KIRREL3: variants seen among roughly 807,000 people sequenced by gnomAD.
KIRREL3 encodes kirre like nephrin family adhesion molecule 3.
Under a neutral mutation model 89.7 loss-of-function variants are expected in KIRREL3, and 36 were observed. The ratio of observed to expected loss-of-function variants is 0.40; its 90% CI spans 0.31 to 0.53. The LOEUF is 0.53. Ranked by LOEUF, KIRREL3 falls within the 20% of genes least tolerant of loss-of-function variation. The probability of loss-of-function intolerance (pLI) is 0.49; values close to 1 mark genes in which losing one functional copy is unlikely to be tolerated. For missense variants in KIRREL3, 864 were observed against 1,056.6 expected (o/e 0.82, Z 2.53); for synonymous variants, 445 against 441.4 (o/e 1.01, Z -0.10).
At position 126,652,102 on chromosome 11, in the gene KIRREL3, G is replaced by C. The variant is rs570501847; in HGVS notation, c.56-89190C>G. ...TGGGCCAGGAGGAAGATAGGCACTA[G>C]TAGGTCTGATCTGTCTGGAGGATTC... On this transcript the variant is annotated intron_variant, in intron 1 of 16. Transcript: ENST00000525144. This position sits in a 1 kb window ranked among gnomAD's most constrained non-coding sequence, Gnocchi z 4.9. 2.4e-3 allele frequency among the ~76,000 whole-genome samples: 360 copies of C among 152,314 alleles called. 2 individuals are homozygous for C. Among genetic ancestry groups the C allele is most frequent in the African/African-American group, 8.2e-3 (342 of 41,568 alleles).
rs1360500468 is a variant in KIRREL3 at position 126,427,182 on chromosome 11, A to G, written c.1807-1458T>C. On this transcript the variant is annotated intron_variant, in intron 15 of 16. Coordinates refer to ENST00000525144, the MANE Select transcript of KIRREL3 (RefSeq NM_032531.4). This position sits in a 1 kb window ranked among gnomAD's most constrained non-coding sequence, Gnocchi z 5.3. Reference sequence around the variant, plus strand: ...CACATGATTAAGCTTAAGTATAGAGACGTCATCCCTTCTCACATCTAGGCT... The same window carrying G: ...CACATGATTAAGCTTAAGTATAGAGGCGTCATCCCTTCTCACATCTAGGCT... Among the ~76,000 whole-genome samples, 1 of 152,142 alleles carries G rather than the reference A, an allele frequency of 6.6e-6. No homozygotes were observed. The highest frequency in any genetic ancestry group is 2.4e-5 in the African/African-American group (1 of 41,414).
chr11:126,621,220 C>G (rs1473185807), intron 1 of KIRREL3, among the ~76,000 whole-genome samples: 3 of 152,200 alleles, frequency 2.0e-5, no homozygotes, highest in East Asian at 3.8e-4. Flanking sequence ...TTCAGAACAG[C>G]TCTGAGTGGG....
chr11:126,436,710 G>C (rs1363030780), intron 12 of KIRREL3, 101 bp downstream of exon 12: 1 of 1,276,032 alleles, frequency 7.8e-7, no homozygotes, highest in African/African-American at 1.5e-5. Flanking sequence ...TTGTCCTTGG[G>C]CCCTGGCCCA....
chr11:126,663,182 C>CTTTTTT lies in KIRREL3; in HGVS notation c.56-100276_56-100271dup, dbSNP rs61217908. 4.4e-4 allele frequency among the ~76,000 whole-genome samples: 40 copies of CTTTTTT among 90,800 alleles called. 1 individual carries two copies. Among genetic ancestry groups the CTTTTTT allele is most frequent in the Non-Finnish European group, 5.8e-4 (28 of 48,116 alleles). 59.6% of individuals were successfully genotyped at this position (90,800 alleles called of 152,430 possible). A position where few individuals can be genotyped will look rare whatever the true frequency, so the allele number is the denominator to read the frequency against. On this transcript the variant is annotated intron_variant, in intron 1 of 16. Transcript: ENST00000525144. ...GGGGAGGTTTTGATATCATGTCTGG[C>CTTTTTT]TTTTTTTTTTTTTTTTTTTTTGAGA...
chr11:126,646,026 C>T (rs1944652455), intron 1 of KIRREL3, among the ~76,000 whole-genome samples: 1 of 152,302 alleles, frequency 6.6e-6, no homozygotes, highest in South Asian at 2.1e-4. Flanking sequence ...TGAGTTACCA[C>T]CAGAGACGTT....
At position 126,778,456 on chromosome 11, in the gene KIRREL3, A is replaced by G. The variant is rs976640426; in HGVS notation, c.56-215544T>C. Among the ~76,000 whole-genome samples, 7 of 152,232 alleles carry G rather than the reference A, an allele frequency of 4.6e-5. No homozygotes were observed. The highest frequency in any genetic ancestry group is 4.6e-4 in the Admixed American group (7 of 15,282). The stretch of plus-strand genomic sequence containing the variant: ...GCATTTAATGTCTACAAGCTATGCA[A>G]CTGTGAGGTTGTGCTATAATGTATT... On this transcript the variant is annotated intron_variant, in intron 1 of 16. Transcript: ENST00000525144. This position sits in a 1 kb window ranked among gnomAD's most constrained non-coding sequence, Gnocchi z 4.5.
At chr11:126,548,363 G>T (rs541319548) in intron 2 of KIRREL3, among the ~76,000 whole-genome samples, 18 of 152,304 alleles carry the variant, frequency 1.2e-4, no homozygotes, top group Middle Eastern at 6.8e-3. Flanking sequence ...TTTAGTTGCG[G>T]AGGCCACTGT....
At chr11:126,650,448 G>T (rs1305545224) in intron 1 of KIRREL3, among the ~76,000 whole-genome samples, 1 of 151,838 alleles carries the variant, frequency 6.6e-6, no homozygotes, top group Admixed American at 6.6e-5. Context: ...AGAATGCTTT[G>T]CTCCTTAGAA....
intron 1 of KIRREL3, among the ~76,000 whole-genome samples, chr11:126,915,768 A>T (rs1947013386): frequency 1.3e-5 from 2 of 152,180 alleles, no homozygotes; most frequent in African/African-American, 2.4e-5. Context: ...TAGTCAACCC[A>T]TTCTTTGTTA....
At chr11:126,851,323 C>G (rs1485830360) in intron 1 of KIRREL3, among the ~76,000 whole-genome samples, 1 of 152,202 alleles carries the variant, frequency 6.6e-6, no homozygotes, top group African/African-American at 2.4e-5. Context: ...CACTTGTACA[C>G]TACTGGTCCT....
At position 126,448,298 on chromosome 11, in the gene KIRREL3, A is replaced by AAG. The variant is rs1555107264; in HGVS notation, c.997+710_997+711insCT. Among the ~76,000 whole-genome samples the AAG allele has an allele frequency of 2.0e-5, 3 of 147,316 alleles. 1 individual carries two copies. The highest frequency in any genetic ancestry group is 6.8e-5 in the Admixed American group (1 of 14,812). On this transcript the variant is annotated intron_variant, in intron 8 of 16. Coordinates refer to ENST00000525144, the MANE Select transcript of KIRREL3 (RefSeq NM_032531.4). ...CTGTCTCAAAAAAAAAAAAAAAAAA[A>AAG]AAAGAAATAAAAAGAAAAAGAAGGT...
rs1338401874 is a variant in KIRREL3, at chr11:126,837,453, G to A, written c.55+163002C>T. Among the ~76,000 whole-genome samples, 1 of 152,176 alleles carries A rather than the reference G, an allele frequency of 6.6e-6. No individual in the cohort carries two copies. The highest frequency in any genetic ancestry group is 1.5e-5 in the Non-Finnish European group (1 of 68,034). On this transcript the variant is annotated intron_variant, in intron 1 of 16. Transcript: ENST00000525144. The surrounding 1 kb of genome is among the most constrained non-coding windows in gnomAD (Gnocchi z 4.7). ...AGACTCAGAGTGGAAGAGAAACCTG[G>A]TGAATTGGTGGGTAGGAGTCTCTAT...
chr11:126,861,470 C>A (rs1290959435), intron 1 of KIRREL3, among the ~76,000 whole-genome samples: 1 of 152,144 alleles, frequency 6.6e-6, no homozygotes, highest in East Asian at 1.9e-4. Context: ...AACCCCTTGA[C>A]AGTGCCTTCC....
intron 1 of KIRREL3, among the ~76,000 whole-genome samples, chr11:126,590,217 G>T (rs143084744): frequency 5.3e-4 from 80 of 152,278 alleles, no homozygotes; most frequent in African/African-American, 1.9e-3. Context: ...CTTTCAAATT[G>T]ATTTCTAGAA....
chr11:126,834,925 G>A (rs112870596), intron 1 of KIRREL3, among the ~76,000 whole-genome samples: 2,316 of 152,266 alleles, frequency 0.015, 50 homozygotes, highest in African/African-American at 0.048. Context: ...CTCCACCCAC[G>A]TGCCAACAAA....
intron 1 of KIRREL3, among the ~76,000 whole-genome samples, chr11:126,583,720 G>C (rs1281457093): frequency 1.3e-5 from 2 of 151,696 alleles, no homozygotes; most frequent in Admixed American, 1.3e-4. Flanking sequence ...GGATAAAGGA[G>C]AGCAAGCCCT....
At position 126,867,594 on chromosome 11, in the gene KIRREL3, C is replaced by T. The variant is rs1183008344; in HGVS notation, c.55+132861G>A. Among the ~76,000 whole-genome samples the T allele has an allele frequency of 6.6e-6, 1 of 152,210 alleles. No individual in the cohort carries two copies. Among genetic ancestry groups the T allele is most frequent in the Admixed American group, 6.5e-5 (1 of 15,284 alleles). On this transcript the variant is annotated intron_variant, in intron 1 of 16. Coordinates refer to ENST00000525144, the MANE Select transcript of KIRREL3 (RefSeq NM_032531.4). This position sits in a 1 kb window ranked among gnomAD's most constrained non-coding sequence, Gnocchi z 4.7. ...AGATAATACTAGTATTAGTTAATAACATTAATACATTTCACCGAATGATTA... is the reference window on the plus strand; with the variant it reads ...AGATAATACTAGTATTAGTTAATAATATTAATACATTTCACCGAATGATTA...
rs1253614017 is a variant in KIRREL3 at position 126,508,716 on chromosome 11, C to T, written c.433+12599G>A. On this transcript the variant is annotated intron_variant, in intron 4 of 16. Coordinates refer to ENST00000525144, the MANE Select transcript of KIRREL3 (RefSeq NM_032531.4). This position sits in a 1 kb window ranked among gnomAD's most constrained non-coding sequence, Gnocchi z 4.9. ...CCAGAAGCGACTGCATTCAGATTCT[C>T]GTTCTTTACCTTTCTTGTGTGTGAC... Among the ~76,000 whole-genome samples, 1 of 152,182 alleles carries T rather than the reference C, an allele frequency of 6.6e-6. No homozygotes were observed. The highest frequency in any genetic ancestry group is 1.9e-4 in the East Asian group (1 of 5,196).
At chr11:126,503,030 G>A (rs1336230941) in intron 4 of KIRREL3, among the ~76,000 whole-genome samples, 1 of 152,164 alleles carries the variant, frequency 6.6e-6, no homozygotes, top group South Asian at 2.1e-4. Context: ...CAGCGCTTAA[G>A]TAATAATAAT....
Sources: allele counts gnomAD v4.1 joint callset (sites outside exome capture counted in the v4.1 genomes callset), GRCh38; gene constraint gnomAD v4.1.1; non-coding constraint Gnocchi (gnomAD v3.1); transcripts MANE v1.5; gene names NCBI Gene and HGNC (gene_info 2026-07-23, HGNC 2026-07-21).